WWC2: variants seen among roughly 807,000 people sequenced by gnomAD.
The protein encoded by WWC2 is protein WWC2.
In WWC2, 101 loss-of-function variants were observed where a neutral mutation model predicts 138.5. That is an observed-to-expected ratio of 0.73 (90% CI 0.62 to 0.86). The LOEUF is 0.86. WWC2 is among the 40% of genes least tolerant of loss of function. WWC2 has a pLI of 0.00. For synonymous variants in WWC2, 558 were observed against 538.4 expected, an observed-to-expected ratio of 1.04 and a Z score of -0.50; for missense variants, 1,420 against 1,419.4, an observed-to-expected ratio of 1.00 and a Z score of -0.01.
intron 1 of WWC2, among the ~76,000 whole-genome samples, chr4:183,133,897 T>A: frequency 6.6e-6 from 1 of 152,230 alleles, no homozygotes; most frequent in Non-Finnish European, 1.5e-5. Context: ...ATTGTTGGTG[T>A]AATATTTATT....
At chr4:183,298,806 G>C (rs1738724541) in intron 21 of WWC2, among the ~76,000 whole-genome samples, 1 of 152,178 alleles carries the variant, frequency 6.6e-6, no homozygotes, top group Admixed American at 6.5e-5. Context: ...TAAGGATTCA[G>C]AGAGATTTGT....
In WWC2 at chr4:183,158,352, A is replaced by G. The variant is rs543625459; in HGVS notation, c.132-35247A>G. ...TGGGTGGCTTAGACAACAGAAATGTATCTTCTCACAGTTCCAGAGGCTGAG... is the reference window on the plus strand; with the variant it reads ...TGGGTGGCTTAGACAACAGAAATGTGTCTTCTCACAGTTCCAGAGGCTGAG... On this transcript the variant is annotated intron_variant, in intron 1 of 22. Transcript: ENST00000403733. 8.8e-5 allele frequency among the ~76,000 whole-genome samples: 13 copies of G among 147,472 alleles called. No homozygotes were observed. The East Asian group carries it at 1.4e-3, about 16-fold the overall frequency.
intron 4 of WWC2, among the ~76,000 whole-genome samples, chr4:183,218,968 A>T (rs1459220737): frequency 6.6e-6 from 1 of 152,254 alleles, no homozygotes; most frequent in Admixed American, 6.5e-5. Flanking sequence ...GTAAATGTCA[A>T]CAAAATATGG....
chr4:183,275,747 T>A (rs962278677), intron 16 of WWC2, among the ~76,000 whole-genome samples: 2 of 152,150 alleles, frequency 1.3e-5, no homozygotes, highest in South Asian at 4.1e-4. Flanking sequence ...AGTATTCTTG[T>A]GATAGCTTTG....
intron 4 of WWC2, among the ~76,000 whole-genome samples, chr4:183,231,991 C>G (rs1736260118): frequency 6.6e-6 from 1 of 152,084 alleles, no homozygotes; most frequent in Admixed American, 6.5e-5. Flanking sequence ...AATTTGAAGT[C>G]AAATGTGGCC....
At chr4:183,113,480 CTGTGTG>C (rs113602820) in intron 1 of WWC2, among the ~76,000 whole-genome samples, 5,452 of 143,618 alleles carry the variant, frequency 0.038, 159 homozygotes, top group African/African-American at 0.082. Flanking sequence ...AAGGTGGGGC[CTGTGTG>C]TGTGTGTGTG....
intron 1 of WWC2, among the ~76,000 whole-genome samples, chr4:183,136,815 A>G (rs982577612): frequency 2.0e-5 from 3 of 152,186 alleles, no homozygotes; most frequent in African/African-American, 7.2e-5. Flanking sequence ...AGTGTGGCCC[A>G]GGGAAACCAA....
In WWC2 at chr4:183,307,309, T is replaced by C. The variant is rs925502946; in HGVS notation, c.3385-5032T>C. 2.0e-5 allele frequency among the ~76,000 whole-genome samples: 3 copies of C among 152,290 alleles called. No homozygotes were observed. In the South Asian group the frequency reaches 6.2e-4, roughly 32 times the overall value. The stretch of plus-strand genomic sequence containing the variant: ...AAATGAAAAACAACTTAATCAAAAT[T>C]TGTAGGATTTTGGAGGACAGCCACT... On this transcript the variant is annotated intron_variant, in intron 21 of 22. Transcript: ENST00000403733.
chr4:183,253,765 A>G lies in WWC2; in HGVS notation c.962A>G (p.Asn321Ser), dbSNP rs758981323. 10 of 1,608,266 alleles carry G rather than the reference A, an allele frequency of 6.2e-6. No individual in the cohort carries two copies. In the South Asian group the frequency reaches 6.7e-5, roughly 11 times the overall value. ...QYEEAKRSMANLKIELSKLDS... is the reference protein window; with the variant it reads ...QYEEAKRSMASLKIELSKLDS... ...TATCTTTTTTTTTTTAGTATGGCCAACTTAAAAATTGAACTGTCAAAATTG... is the reference window on the plus strand; with the variant it reads ...TATCTTTTTTTTTTTAGTATGGCCAGCTTAAAAATTGAACTGTCAAAATTG... Residue 321 changes from asparagine to serine, a missense_variant, in exon 9 of 23, where the codon AAC (asparagine) becomes AGC (serine). Transcript: ENST00000403733.
chr4:183,261,254 C>A lies in WWC2; in HGVS notation c.1631C>A (p.Ala544Asp). Residue 544 changes from alanine (A) to aspartate (D), a missense_variant, in exon 11 of 23, where the codon GCC becomes GAC. Coordinates refer to ENST00000403733, the MANE Select transcript of WWC2 (RefSeq NM_024949.6). Reference protein sequence around the residue: ...PPLAEAPKSVASLSSRSSLSS... With the variant: ...PPLAEAPKSVDSLSSRSSLSS... ...CTGGCTGAGGCCCCGAAGTCTGTGG[C>A]CTCCCTGTCCTCGAGGTCCTCCCTT... is the stretch of plus-strand genomic sequence containing the variant. 6.2e-7 allele frequency: 1 copy of A among 1,613,092 alleles called. No homozygotes were observed. The highest frequency in any genetic ancestry group is 8.5e-7 in the Non-Finnish European group (1 of 1,179,550).
chr4:183,202,219 T>C (rs1014434344), intron 2 of WWC2, among the ~76,000 whole-genome samples: 5 of 152,000 alleles, frequency 3.3e-5, no homozygotes, highest in African/African-American at 7.3e-5. Flanking sequence ...AGGGGAAATA[T>C]TGGTTTGGAG....
chr4:183,118,158 T>C (rs1371481163), intron 1 of WWC2, among the ~76,000 whole-genome samples: 1 of 152,316 alleles, frequency 6.6e-6, no homozygotes. Flanking sequence ...AGAGGAAAAA[T>C]AGTTTCTTTC....
chr4:183,260,870 T>G (rs753282396), intron 10 of WWC2, 40 bp from the exon 11 acceptor site: 2 of 1,600,576 alleles, frequency 1.2e-6, no homozygotes, highest in Non-Finnish European at 1.7e-6. Flanking sequence ...GGTTTTCCAT[T>G]TTGTAACAGA....
chr4:183,161,169 T>A (rs573985459), intron 1 of WWC2, among the ~76,000 whole-genome samples: 1 of 152,218 alleles, frequency 6.6e-6, no homozygotes, highest in Non-Finnish European at 1.5e-5. Flanking sequence ...AAAATAATTT[T>A]AACTTTTAGA....
intron 1 of WWC2, among the ~76,000 whole-genome samples, chr4:183,100,686 A>G (rs1414010897): frequency 6.6e-6 from 1 of 152,218 alleles, no homozygotes; most frequent in Non-Finnish European, 1.5e-5. Flanking sequence ...ATACCTAACT[A>G]CTTTATAATC....
chr4:183,231,089 A>C (rs1736230894), intron 4 of WWC2, among the ~76,000 whole-genome samples: 2 of 152,122 alleles, frequency 1.3e-5, no homozygotes, highest in African/African-American at 4.8e-5. Flanking sequence ...ATAAGCAAAG[A>C]AGCAAAATTC....
chr4:183,237,954 A>G (rs1344968417), intron 4 of WWC2, among the ~76,000 whole-genome samples: 1 of 152,018 alleles, frequency 6.6e-6, no homozygotes, highest in Non-Finnish European at 1.5e-5. Flanking sequence ...AATATGCCCA[A>G]CGCTTGCTCT....
At chr4:183,152,678 T>C (rs1733675554) in intron 1 of WWC2, among the ~76,000 whole-genome samples, 2 of 151,888 alleles carry the variant, frequency 1.3e-5, no homozygotes, top group South Asian at 4.2e-4. Context: ...GAGTCAGAAG[T>C]TCAAGACCAG....
At chr4:183,261,617 A>G in intron 11 of WWC2, 85 bp downstream of exon 11, 1 of 1,411,750 alleles carries the variant, frequency 7.1e-7, no homozygotes, top group Non-Finnish European at 9.4e-7. Context: ...ATATAAACAA[A>G]GGGTATGATT....
Sources: allele counts gnomAD v4.1 joint callset (sites outside exome capture counted in the v4.1 genomes callset), GRCh38; gene constraint gnomAD v4.1.1; transcripts MANE v1.5; gene names NCBI Gene and HGNC (gene_info 2026-07-23, HGNC 2026-07-21).